PDE1C: variants seen among roughly 807,000 people sequenced by gnomAD.
PDE1C encodes the protein dual specificity calcium/calmodulin-dependent 3',5'-cyclic nucleotide phosphodiesterase 1C.
Under a neutral mutation model 93.1 loss-of-function variants are expected in PDE1C, and 62 were observed. The observed-to-expected ratio is 0.67, with a 90% CI of 0.54 to 0.82. PDE1C has a LOEUF of 0.82. Ranked by LOEUF, PDE1C falls within the 40% of genes least tolerant of loss-of-function variation. The pLI, the probability that PDE1C is intolerant of heterozygous loss-of-function variation, is 0.00. For missense variants in PDE1C, 742 were observed against 884.6 expected, an observed-to-expected ratio of 0.84 and a Z score of 2.04; for synonymous variants, 325 against 310.1, an observed-to-expected ratio of 1.05 and a Z score of -0.50.
intron 1 of PDE1C, among the ~76,000 whole-genome samples, chr7:32,356,595 T>C (rs980941757): frequency 3.3e-5 from 5 of 152,236 alleles, no homozygotes; most frequent in African/African-American, 1.2e-4. Context: ...CCAGCTCCTC[T>C]GGCCACAAAA....
chr7:31,951,675 T>C (rs1181321697), intron 2 of PDE1C, among the ~76,000 whole-genome samples: 2 of 152,176 alleles, frequency 1.3e-5, no homozygotes, highest in East Asian at 3.9e-4. Flanking sequence ...TAATGCATCT[T>C]CTCCATGGCG....
chr7:32,298,848 G>A (rs1330470839), exon 1 of PDE1C: 61 of 1,419,334 alleles, frequency 4.3e-5, no homozygotes, highest in Non-Finnish European at 5.3e-5. Flanking sequence ...CGGCCGCGCC[G>A]CGCTGTCACT....
At chr7:32,230,524 C>A (rs1297850691) in intron 1 of PDE1C, among the ~76,000 whole-genome samples, 1 of 152,126 alleles carries the variant, frequency 6.6e-6, no homozygotes, top group Non-Finnish European at 1.5e-5. Flanking sequence ...CCACCACCCC[C>A]ACTCCCGCCA....
intron 1 of PDE1C, among the ~76,000 whole-genome samples, chr7:32,420,336 T>TAC (rs753973511): frequency 0.069 from 190 of 2,746 alleles, 79 homozygotes; most frequent in Middle Eastern, 1. Context: ...TGTATATATA[T>TAC]ATGTGTATAT....
At chr7:32,235,540 A>G (rs1047844957) in intron 1 of PDE1C, among the ~76,000 whole-genome samples, 34 of 152,202 alleles carry the variant, frequency 2.2e-4, no homozygotes, top group African/African-American at 6.5e-4. Context: ...AAAATTTCAA[A>G]AACAATACCA....
At chr7:32,009,860 A>G (rs186604231) in intron 2 of PDE1C, among the ~76,000 whole-genome samples, 1 of 152,348 alleles carries the variant, frequency 6.6e-6, no homozygotes, top group Non-Finnish European at 1.5e-5. Context: ...AGATCATTAT[A>G]TAAAACTCAA....
intron 3 of PDE1C, among the ~76,000 whole-genome samples, chr7:32,127,835 C>T (rs62458883): frequency 0.2 from 30,839 of 151,702 alleles, 3,785 homozygotes; most frequent in Middle Eastern, 0.31. Flanking sequence ...ATAATTTCAA[C>T]GGGACTTTTT....
chr7:31,618,147 A>AT, the PDE1C span, among the ~76,000 whole-genome samples: 1 of 152,212 alleles, frequency 6.6e-6, no homozygotes, highest in African/African-American at 2.4e-5. Context: ...AAGGACTATG[A>AT]CTAAGTCACC....
chr7:31,619,736 G>T, the PDE1C span, among the ~76,000 whole-genome samples: 1 of 152,084 alleles, frequency 6.6e-6, no homozygotes, highest in Non-Finnish European at 1.5e-5. Flanking sequence ...ATCTCACTAG[G>T]GAGTGCCAGA....
chr7:31,695,485 G>A, the PDE1C span: 1 of 1,608,952 alleles, frequency 6.2e-7, no homozygotes, highest in Admixed American at 1.7e-5. Context: ...TTTCAGACCA[G>A]TTCATTAAGG....
At chr7:31,976,995 T>C (rs11978568) in intron 2 of PDE1C, among the ~76,000 whole-genome samples, 2 of 152,190 alleles carry the variant, frequency 1.3e-5, no homozygotes, top group East Asian at 1.9e-4. Context: ...ACCTACTGAA[T>C]CAGAGAGTCT....
At chr7:32,061,996 T>C (rs1794866484) in intron 1 of PDE1C, among the ~76,000 whole-genome samples, 4 of 152,140 alleles carry the variant, frequency 2.6e-5, no homozygotes, top group African/African-American at 9.7e-5. Context: ...GTAGATTATA[T>C]CTCCAGACCT....
At chr7:31,950,641 C>T (rs1807241073) in intron 2 of PDE1C, among the ~76,000 whole-genome samples, 1 of 152,148 alleles carries the variant, frequency 6.6e-6, no homozygotes, top group African/African-American at 2.4e-5. Flanking sequence ...AGAGTTACAG[C>T]AATAAACTTG....
chr7:31,816,234 C>T, intron 14 of PDE1C, 80 bp from the exon 15 acceptor site: 2 of 1,286,028 alleles, frequency 1.6e-6, no homozygotes, highest in East Asian at 2.3e-5. Flanking sequence ...TGTTTTAGTA[C>T]ACAAAGAGTA....
At chr7:32,001,418 C>G (rs991306548) in intron 2 of PDE1C, among the ~76,000 whole-genome samples, 1 of 152,152 alleles carries the variant, frequency 6.6e-6, no homozygotes, top group South Asian at 2.1e-4. Flanking sequence ...CCTATGGCTC[C>G]TGTTATTATT....
At chr7:31,681,843 G>T in the PDE1C span, among the ~76,000 whole-genome samples, 2 of 152,268 alleles carry the variant, frequency 1.3e-5, no homozygotes, top group Admixed American at 1.3e-4. Flanking sequence ...CCACACATTG[G>T]TATCTTCTGA....
chr7:31,699,423 A>G, the PDE1C span, among the ~76,000 whole-genome samples: 1 of 152,196 alleles, frequency 6.6e-6, no homozygotes, highest in East Asian at 1.9e-4. Flanking sequence ...CTTCTTTCAG[A>G]GCAGTTTTAA....
At chr7:31,727,871 G>A in the PDE1C span, among the ~76,000 whole-genome samples, 15,577 of 151,960 alleles carry the variant, frequency 0.1, 938 homozygotes, top group East Asian at 0.24. Context: ...GTGAAACCTC[G>A]TCTTTACTAA....
the PDE1C span, among the ~76,000 whole-genome samples, chr7:31,681,390 T>C: frequency 1.5e-3 from 14 of 9,596 alleles, no homozygotes; most frequent in African/African-American, 5.9e-3. Context: ...GATGGATGGA[T>C]GGATGGATGG....
Sources: allele counts gnomAD v4.1 joint callset (sites outside exome capture counted in the v4.1 genomes callset), GRCh38; gene constraint gnomAD v4.1.1; transcripts MANE v1.5; gene names NCBI Gene and HGNC (gene_info 2026-07-23, HGNC 2026-07-21).